The following TASP1 variants were observed in gnomAD, a reference collection of about 807,000 sequenced individuals.
The protein encoded by TASP1 is threonine aspartase 1.
Under a neutral mutation model 56.6 loss-of-function variants are expected in TASP1, and 16 were observed. The observed-to-expected ratio is 0.28, with a 90% CI of 0.19 to 0.43. TASP1 has a LOEUF of 0.43. TASP1 is among the 20% of genes least tolerant of loss of function. The pLI, the probability that TASP1 is intolerant of heterozygous loss-of-function variation, is 1.00. For synonymous variants in TASP1, 179 were observed against 184.2 expected, an observed-to-expected ratio of 0.97 and a Z score of 0.23; for missense variants, 393 against 511.6, an observed-to-expected ratio of 0.77 and a Z score of 2.24.
chr20:13,419,078 T>C (rs2042354011), intron 12 of TASP1, among the ~76,000 whole-genome samples: 1 of 152,218 alleles, frequency 6.6e-6, no homozygotes, highest in East Asian at 1.9e-4. Context: ...GAAAAGGGAC[T>C]CTGGGTTAGA....
chr20:13,499,091 A>C (rs1206388282), intron 10 of TASP1, among the ~76,000 whole-genome samples: 2 of 152,240 alleles, frequency 1.3e-5, no homozygotes, highest in Admixed American at 6.5e-5. Context: ...TGGATTAAAG[A>C]AAATGTGGTA....
At chr20:13,571,458 C>T (rs1275937615) in intron 6 of TASP1, among the ~76,000 whole-genome samples, 1 of 152,226 alleles carries the variant, frequency 6.6e-6, no homozygotes, top group African/African-American at 2.4e-5. Flanking sequence ...TCACGCCAAT[C>T]TACTTCAAAG....
At chr20:13,357,041 G>A in the TASP1 span, among the ~76,000 whole-genome samples, 2 of 152,162 alleles carry the variant, frequency 1.3e-5, no homozygotes, top group African/African-American at 4.8e-5. Flanking sequence ...TTTATTGAAT[G>A]CTACTGTGAG....
chr20:13,217,351 C>A, the TASP1 span, among the ~76,000 whole-genome samples: 2 of 151,980 alleles, frequency 1.3e-5, 1 homozygote, highest in Admixed American at 1.3e-4. Flanking sequence ...TAAAAACTTT[C>A]CATAGTAAAA....
At chr20:13,574,131 A>C (rs78567441) in intron 6 of TASP1, among the ~76,000 whole-genome samples, 1 of 152,124 alleles carries the variant, frequency 6.6e-6, no homozygotes, top group East Asian at 1.9e-4. Context: ...AAAAAAAAAA[A>C]AGAAACAAAG....
intron 7 of TASP1, among the ~76,000 whole-genome samples, chr20:13,563,141 T>C (rs13040016): frequency 0.093 from 14,012 of 150,932 alleles, 704 homozygotes; most frequent in Admixed American, 0.16. Context: ...CACATATAAA[T>C]AAGAGAGTTC....
intron 10 of TASP1, among the ~76,000 whole-genome samples, chr20:13,506,522 C>T (rs1263259421): frequency 6.6e-6 from 1 of 152,106 alleles, no homozygotes; most frequent in Admixed American, 6.6e-5. Flanking sequence ...AATTCAATAG[C>T]ACATTAAAAT....
At chr20:13,371,079 T>G in the TASP1 span, among the ~76,000 whole-genome samples, 1 of 152,182 alleles carries the variant, frequency 6.6e-6, no homozygotes, top group African/African-American at 2.4e-5. Flanking sequence ...CCGTTCTAGC[T>G]AACAGTTTGT....
At chr20:13,153,962 T>C in the TASP1 span, 2 of 1,607,136 alleles carry the variant, frequency 1.2e-6, no homozygotes, top group African/African-American at 2.7e-5. Context: ...CTTCCCTCTT[T>C]CTAGTGGGAA....
intron 10 of TASP1, among the ~76,000 whole-genome samples, chr20:13,489,969 G>A (rs2043464947): frequency 1.3e-5 from 2 of 152,022 alleles, no homozygotes; most frequent in African/African-American, 4.8e-5. Context: ...AACTATATAC[G>A]TGGCTCTTTG....
Position 13,623,302 on chromosome 20 carries a change from A to C in TASP1, c.282+144T>G, listed in dbSNP as rs1372088133. 7.3e-6 allele frequency: 4 copies of C among 547,704 alleles called. No homozygotes were observed. In the Admixed American group the frequency reaches 1.4e-4, roughly 19 times the overall value. The allele number at this position is 547,704 out of a possible 1,614,324, so 33.9% of individuals were successfully genotyped here. A position where few individuals can be genotyped will look rare whatever the true frequency, so the allele number is the denominator to read the frequency against. ...AGTCACCAATGAAAACAACAATATC[A>C]TAGGCTTCTTCATAACTTTGCTAAT... On this transcript the variant is annotated intron_variant, in intron 4 of 13. Transcript: ENST00000337743.
the TASP1 span, among the ~76,000 whole-genome samples, chr20:13,211,229 AC>A: frequency 2.0e-5 from 3 of 152,314 alleles, no homozygotes; most frequent in South Asian, 6.2e-4. Context: ...TAGGTTTATC[AC>A]ATTTTGAAAC....
rs945800108 is a variant in TASP1 at position 13,617,845 on chromosome 20, A to G, written c.282+5601T>C. On this transcript the variant is annotated intron_variant, in intron 4 of 13. Coordinates refer to ENST00000337743, the MANE Select transcript of TASP1 (RefSeq NM_017714.3). ...AAAGGGAAATTATCGGCCCTTCCCA[A>G]TGTCCCCTTCCATCCTAGGTATGCC... 1.1e-4 allele frequency among the ~76,000 whole-genome samples: 17 copies of G among 152,210 alleles called. 1 individual carries two copies. The highest frequency in any genetic ancestry group is 9.8e-4 in the Admixed American group (15 of 15,294).
At chr20:13,300,341 G>T in the TASP1 span, 1 of 151,702 alleles carries the variant, frequency 6.6e-6, no homozygotes, top group African/African-American at 2.4e-5. Context: ...ATAATGGACC[G>T]CATTTCACCT....
chr20:13,390,510 C>A, intron 13 of TASP1, 58 bp from the exon 14 acceptor site: 1 of 1,510,262 alleles, frequency 6.6e-7, no homozygotes, highest in East Asian at 2.3e-5. Flanking sequence ...CCTTGCCACA[C>A]CCCTACCCGT....
At chr20:13,189,178 T>A in the TASP1 span, among the ~76,000 whole-genome samples, 6 of 152,232 alleles carry the variant, frequency 3.9e-5, no homozygotes, top group African/African-American at 1.4e-4. Context: ...GGCTGAAGTT[T>A]TTCTTTTATC....
chr20:13,413,898 T>G (rs1468510198), intron 13 of TASP1, among the ~76,000 whole-genome samples: 1 of 152,148 alleles, frequency 6.6e-6, no homozygotes, highest in Non-Finnish European at 1.5e-5. Context: ...GAAAATATTG[T>G]CCATATTATG....
At chr20:13,544,653 A>G (rs917251508) in intron 8 of TASP1, among the ~76,000 whole-genome samples, 1 of 152,262 alleles carries the variant, frequency 6.6e-6, no homozygotes, top group Non-Finnish European at 1.5e-5. Context: ...AATAGCAAAG[A>G]AATCTCCTTT....
At chr20:13,457,538 A>G (rs2043889919) in intron 11 of TASP1, among the ~76,000 whole-genome samples, 1 of 152,164 alleles carries the variant, frequency 6.6e-6, no homozygotes, top group Admixed American at 6.6e-5. Context: ...AAAATATTTT[A>G]TAGATGTTTT....
Sources: allele counts gnomAD v4.1 joint callset (sites outside exome capture counted in the v4.1 genomes callset), GRCh38; gene constraint gnomAD v4.1.1; transcripts MANE v1.5; gene names NCBI Gene and HGNC (gene_info 2026-07-23, HGNC 2026-07-21).